Variants in PTPRH observed in about 807,000 individuals in gnomAD.
PTPRH encodes protein tyrosine phosphatase receptor type H, also known as receptor-type tyrosine-protein phosphatase H.
A neutral mutation model predicts 130.2 loss-of-function variants in PTPRH; 113 were observed. The ratio of observed to expected loss-of-function variants is 0.87; its 90% CI spans 0.75 to 1.01. The LOEUF (loss-of-function observed/expected upper bound fraction) is 1.01. PTPRH is among the 50% of genes least tolerant of loss of function. The probability of loss-of-function intolerance (pLI) is 0.00; values close to 1 mark genes in which losing one functional copy is unlikely to be tolerated. For missense variants in PTPRH, 1,430 were observed against 1,425.0 expected, an observed-to-expected ratio of 1.00 and a Z score of -0.06; for synonymous variants, 556 against 577.9, an observed-to-expected ratio of 0.96 and a Z score of 0.54.
At chr19:55,191,287 G>A (rs535199244) in intron 12 of PTPRH, among the ~76,000 whole-genome samples, 11 of 152,310 alleles carry the variant, frequency 7.2e-5, no homozygotes, top group South Asian at 2.1e-4. Flanking sequence ...ATGAATGTCC[G>A]GGAGTTGAGA....
chr19:55,203,045 A>G (rs1023397297), intron 5 of PTPRH, among the ~76,000 whole-genome samples: 1 of 147,000 alleles, frequency 6.8e-6, no homozygotes, highest in Non-Finnish European at 1.5e-5. Flanking sequence ...AAAAAAAAAA[A>G]GGGCTGGGCA....
chr19:55,187,669 C>A lies in PTPRH; in HGVS notation c.2476-66G>T, dbSNP rs189733694. 14 of 1,218,992 alleles carry A rather than the reference C, an allele frequency of 1.1e-5. No individual in the cohort carries two copies. In the Admixed American group the frequency reaches 2.4e-4, roughly 21 times the overall value. 75.5% of individuals were successfully genotyped at this position (1,218,992 alleles called of 1,614,324 possible). A position where few individuals can be genotyped will look rare whatever the true frequency, so the allele number is the denominator to read the frequency against. On this transcript the variant is annotated intron_variant, in intron 13 of 19. Transcript: ENST00000376350. The stretch of plus-strand genomic sequence containing the variant: ...CTCTACTTTCCCTCGGGGGTACCCC[C>A]GAGCTCCCCTTGCCTTCTTCGGCAT...
chr19:55,189,249 G>C (rs1568898117), intron 12 of PTPRH, among the ~76,000 whole-genome samples: 1 of 152,146 alleles, frequency 6.6e-6, no homozygotes, highest in African/African-American at 2.4e-5. Flanking sequence ...GCCTCCCAAA[G>C]TGCTGGGATT....
chr19:55,207,290 C>A (rs2087101297), intron 1 of PTPRH, 91 bp from the exon 2 acceptor site: 1 of 1,392,892 alleles, frequency 7.2e-7, no homozygotes, highest in South Asian at 1.3e-5. Flanking sequence ...CTGGTCCCCG[C>A]CCCATGAGTC....
Position 55,196,505 on chromosome 19 carries a change from C to T in PTPRH, c.2257+17G>A, listed in dbSNP as rs779056274. On this transcript the variant is annotated intron_variant, in intron 10 of 19. Coordinates refer to ENST00000376350, the MANE Select transcript of PTPRH (RefSeq NM_002842.5). ...AGAATTTCATCATAGCTGGCTGGCCCGCGCGGCTCCGCTCACCTGCACTCT... is the reference window on the plus strand; with the variant it reads ...AGAATTTCATCATAGCTGGCTGGCCTGCGCGGCTCCGCTCACCTGCACTCT... 3.7e-5 allele frequency: 59 copies of T among 1,598,728 alleles called. No individual in the cohort carries two copies. The highest frequency in any genetic ancestry group is 4.8e-5 in the Non-Finnish European group (56 of 1,172,102).
intron 14 of PTPRH, among the ~76,000 whole-genome samples, chr19:55,187,068 G>A (rs1363124165): frequency 4.0e-5 from 6 of 149,764 alleles, no homozygotes; most frequent in East Asian, 4.0e-4. Flanking sequence ...GTGGGGGGCC[G>A]GGCGCAGTGG....
intron 10 of PTPRH, among the ~76,000 whole-genome samples, chr19:55,195,097 G>A (rs938020987): frequency 6.6e-6 from 1 of 152,098 alleles, no homozygotes; most frequent in Non-Finnish European, 1.5e-5. Flanking sequence ...GGCCGAGGCG[G>A]GTGGATCACC....
Position 55,187,569 on chromosome 19 carries a change from A to C in PTPRH, c.2510T>G (p.Met837Arg). The stretch of plus-strand genomic sequence containing the variant: ...GTTGTTCTCTGAAGCCGAAGCCACC[A>C]TCTGAGACTGGCTGTGGCCCACCAG... ...LSLVGHSQSQ[M>R]VASASENNAK... Residue 837 changes from methionine (M) to arginine (R), a missense_variant, in exon 14 of 20, where the codon ATG (methionine) becomes AGG (arginine). Coordinates refer to ENST00000376350, the MANE Select transcript of PTPRH (RefSeq NM_002842.5). 2 of 1,613,306 alleles carry C rather than the reference A, an allele frequency of 1.2e-6. No individual in the cohort carries two copies. The highest frequency in any genetic ancestry group is 1.1e-5 in the South Asian group (1 of 91,042).
chr19:55,203,624 T>C (rs1234355549), intron 5 of PTPRH, among the ~76,000 whole-genome samples, 158 bp downstream of exon 5: 2 of 152,048 alleles, frequency 1.3e-5, no homozygotes, highest in African/African-American at 4.8e-5. Flanking sequence ...TTCTTTGTAC[T>C]TATTTTTATG....
intron 18 of PTPRH, among the ~76,000 whole-genome samples, chr19:55,183,909 T>A (rs764106782): frequency 4.6e-5 from 7 of 152,178 alleles, no homozygotes; most frequent in Non-Finnish European, 5.9e-5. Flanking sequence ...CTTCAGTGTC[T>A]CTGTTGCTTT....
At position 55,189,864 on chromosome 19, in the gene PTPRH, C is replaced by T. The variant is rs558838894; in HGVS notation, c.2384+1637G>A. ...AAAAAATTAGCCAGGCATTGTGGTG[C>T]GTGCCTGTGGTCCCAGCTACTGGGG... On this transcript the variant is annotated intron_variant, in intron 12 of 19. Transcript: ENST00000376350. The T allele has an allele frequency of 6.0e-3, 2,415 of 402,970 alleles. 23 individuals carry two copies. The highest frequency in any genetic ancestry group is 9.6e-3 in the South Asian group (529 of 55,116). The allele number at this position is 402,970 out of a possible 1,614,324, so 25.0% of individuals were successfully genotyped here.
At chr19:55,184,805 T>TAATAAAATAAAATAAAATAAAATAA (rs1468994145) in intron 18 of PTPRH, among the ~76,000 whole-genome samples, 2 of 150,652 alleles carry the variant, frequency 1.3e-5, no homozygotes, top group African/African-American at 4.9e-5. Flanking sequence ...TAAAATAAAA[T>TAATAAAATAAAATAAAATAAAATAA]AATAAAATAA....
At chr19:55,198,587 A>G (rs878888825) in intron 8 of PTPRH, 56 bp downstream of exon 8, 2 of 1,488,828 alleles carry the variant, frequency 1.3e-6, no homozygotes, top group South Asian at 1.4e-5. Context: ...AAGTCCTTTC[A>G]TCTTTTTCCT....
intron 15 of PTPRH, 25 bp from the exon 16 acceptor site, chr19:55,186,384 A>AG (rs148069644): frequency 3.7e-6 from 6 of 1,612,110 alleles, no homozygotes; most frequent in African/African-American, 2.7e-5. Flanking sequence ...CAGGCGGGTC[A>AG]GGGGGGCCTT....
In PTPRH at chr19:55,205,347, C is replaced by T; in HGVS notation, c.598G>A (p.Glu200Lys). The change falls in exon 4 of 20, where the codon GAG becomes AAG. Residue 200 changes from glutamate (E) to lysine (K), a missense_variant. Glu to Lys is a moderately conservative substitution (Grantham distance 56). Coordinates refer to ENST00000376350, the MANE Select transcript of PTPRH (RefSeq NM_002842.5). ...TCACCTGTGGTGGCATTTCGAGTCTCCCGGGAGCTGTTGATTCCATTCTTT... is the reference window on the plus strand; with the variant it reads ...TCACCTGTGGTGGCATTTCGAGTCTTCCGGGAGCTGTTGATTCCATTCTTT... ...VGKNGINSSRETRNATTAHNP... is the reference protein window; with the variant it reads ...VGKNGINSSRKTRNATTAHNP... 6.2e-7 allele frequency: 1 copy of T among 1,614,194 alleles called. No homozygotes were observed. Among genetic ancestry groups the T allele is most frequent in the East Asian group, 2.2e-5 (1 of 44,880 alleles).
intron 17 of PTPRH, 94 bp from the exon 18 acceptor site, chr19:55,185,756 C>A: frequency 6.3e-7 from 1 of 1,598,162 alleles, no homozygotes. Flanking sequence ...CACACTGCAG[C>A]TCCTCAGAGG....
At position 55,185,578 on chromosome 19, in the gene PTPRH, A is replaced by G; in HGVS notation, c.2986T>C (p.Leu996=). ...DHGVPSSPDT[L]LAFWRMLRQW... ...CGAAGCATCCTCCAGAAAGCCAGCA[A>G]GGTGTCTGGGGAGGAGGGAACGCCG... The change falls in exon 18 of 20, where the codon TTG becomes CTG. Residue 996 remains leucine (L), a synonymous_variant. Coordinates refer to ENST00000376350, the MANE Select transcript of PTPRH (RefSeq NM_002842.5). The G allele has an allele frequency of 1.2e-6, 2 of 1,614,180 alleles. No homozygotes were observed. Among genetic ancestry groups the G allele is most frequent in the Non-Finnish European group, 1.7e-6 (2 of 1,180,020 alleles).
intron 14 of PTPRH, among the ~76,000 whole-genome samples, chr19:55,187,248 G>A (rs2086373888): frequency 6.8e-6 from 1 of 146,034 alleles, no homozygotes; most frequent in African/African-American, 2.6e-5. Flanking sequence ...GGGAGGCTGA[G>A]GCAGGAGAAT....
chr19:55,200,477 A>T lies in PTPRH; in HGVS notation c.1179T>A (p.His393Gln). 3.7e-6 allele frequency: 6 copies of T among 1,614,070 alleles called. No homozygotes were observed. Among genetic ancestry groups the T allele is most frequent in the Non-Finnish European group, 5.1e-6 (6 of 1,180,016 alleles). ...TGGAGCTGTTGGTCTGAGTCTCCAT[A>T]TGGAGGTTTCTCACTGGGTTGGGGG... Reference protein sequence around the residue: ...TTAPNPVRNLHMETQTNSSIA... With the variant: ...TTAPNPVRNLQMETQTNSSIA... The change falls in exon 7 of 20, where the codon CAT becomes CAA. Residue 393 changes from histidine to glutamine, a missense_variant. Transcript: ENST00000376350.
Sources: allele counts gnomAD v4.1 joint callset (sites outside exome capture counted in the v4.1 genomes callset), GRCh38; gene constraint gnomAD v4.1.1; transcripts MANE v1.5; gene names NCBI Gene and HGNC (gene_info 2026-07-23, HGNC 2026-07-21).